The following CLIP4 variants were observed in gnomAD, a reference collection of about 807,000 sequenced individuals.
CLIP4 encodes the protein CAP-Gly domain containing linker protein family member 4.
Under a neutral mutation model 73.1 loss-of-function variants are expected in CLIP4, and 47 were observed. The ratio of observed to expected loss-of-function variants is 0.64; its 90% confidence interval spans 0.51 to 0.82. The LOEUF is 0.82. CLIP4 is among the 40% of genes least tolerant of loss of function. The probability of loss-of-function intolerance (pLI) is 0.00; values close to 1 mark genes in which losing one functional copy is unlikely to be tolerated. For synonymous variants in CLIP4, 306 were observed against 295.4 expected (o/e 1.04, Z -0.37); for missense variants, 874 against 852.9 (o/e 1.02, Z -0.31).
At position 29,181,671 on chromosome 2, in the gene CLIP4, G is replaced by A. The variant is rs774808736; in HGVS notation, c.1896G>A (p.Thr632=). 3.7e-6 allele frequency: 6 copies of A among 1,614,046 alleles called. No individual in the cohort carries two copies. The highest frequency in any genetic ancestry group is 2.2e-5 in the East Asian group (1 of 44,892). Residue 632 remains threonine (T), a synonymous_variant, in exon 16 of 16, where the codon ACG becomes ACA. Coordinates refer to ENST00000320081, the MANE Select transcript of CLIP4 (RefSeq NM_024692.6). The part of the protein sequence containing the change: ...KLHEGSQVLL[T]SSNEMGTVRY... ...ACGAGGGGTCTCAGGTCCTGCTCACGAGCTCCAATGAGATGGGTACTGTTA... is the reference window on the plus strand; with the variant it reads ...ACGAGGGGTCTCAGGTCCTGCTCACAAGCTCCAATGAGATGGGTACTGTTA...
Position 29,152,725 on chromosome 2 carries a change from T to A in CLIP4, c.1062T>A (p.Gly354=), listed in dbSNP as rs1281791087. ...TTTCAAAGATAAGTAAAGCAAAAGG[T>A]CGAAGGAAGAATATAACACACACTC... ...APLSKISKAK[G]RRKNITHTPS... is the part of the protein sequence containing the mutation. Residue 354 remains glycine (G), a synonymous_variant, in exon 9 of 16, where the codon GGT becomes GGA. Coordinates refer to ENST00000320081, the MANE Select transcript of CLIP4 (RefSeq NM_024692.6). 24 of 1,613,690 alleles carry A rather than the reference T, an allele frequency of 1.5e-5. No homozygotes were observed. The highest frequency in any genetic ancestry group is 1.9e-5 in the Non-Finnish European group (23 of 1,179,780).
intron 1 of CLIP4, among the ~76,000 whole-genome samples, chr2:29,100,433 G>A (rs1668008856): frequency 6.6e-6 from 1 of 152,026 alleles, no homozygotes; most frequent in South Asian, 2.1e-4. Flanking sequence ...CCCCCCAACA[G>A]TTTCCTCTAC....
rs201333421 is a variant in CLIP4, at chr2:29,124,374, C to CT, written c.133+2861dup. On this transcript the variant is annotated intron_variant, in intron 2 of 15. Coordinates refer to ENST00000320081, the MANE Select transcript of CLIP4 (RefSeq NM_024692.6). ...ATTTTTGTTTCTCTAGATGTAATGT[C>CT]TTTTTTTTGGCTGCTTTAAAGAGTT... Among the ~76,000 whole-genome samples, 615 of 151,830 alleles carry CT rather than the reference C, an allele frequency of 4.1e-3. 6 individuals are homozygous for CT. Among genetic ancestry groups the CT allele is most frequent in the African/African-American group, 0.014 (590 of 41,420 alleles).
At position 29,160,443 on chromosome 2, in the gene CLIP4, T is replaced by C; in HGVS notation, c.1510T>C (p.Phe504Leu). Residue 504 changes from phenylalanine (F) to leucine (L), a missense_variant, in exon 12 of 16, where the codon TTT becomes CTT. Phe to Leu is a conservative substitution (Grantham distance 22). Transcript: ENST00000320081. ...ACAGAGACTGGGCACCATTAGGTTC[T>C]TTGGGACAACAAACTTCGCTCCAGG... ...VGQRLGTIRF[F>L]GTTNFAPGYW... is the part of the protein sequence containing the mutation. 1 of 1,614,174 alleles carries C rather than the reference T, an allele frequency of 6.2e-7. No homozygotes were observed. The highest frequency in any genetic ancestry group is 8.5e-7 in the Non-Finnish European group (1 of 1,180,010).
At chr2:29,100,812 G>A (rs1031572443) in intron 1 of CLIP4, among the ~76,000 whole-genome samples, 2 of 151,728 alleles carry the variant, frequency 1.3e-5, no homozygotes, top group African/African-American at 4.9e-5. Context: ...GGCAGAGGTG[G>A]GAAGTGACTT....
Position 29,105,840 on chromosome 2 carries a change from C to G in CLIP4, c.-16+7893C>G, listed in dbSNP as rs114916657. On this transcript the variant is annotated intron_variant, in intron 1 of 14. Coordinates refer to the CLIP4 transcript ENST00000401605. ...CCAGGCAGAGGGCCCCTGCCAGCCA[C>G]TGCATCTGCCAGTGCCTTGATCTTG... Among the ~76,000 whole-genome samples the G allele has an allele frequency of 9.3e-3, 1,414 of 152,358 alleles. 22 individuals carry two copies. The highest frequency in any genetic ancestry group is 0.032 in the African/African-American group (1,348 of 41,582).
intron 14 of CLIP4, among the ~76,000 whole-genome samples, chr2:29,172,422 T>A (rs1668070729): frequency 2.6e-5 from 4 of 152,148 alleles, no homozygotes; most frequent in African/African-American, 9.7e-5. Flanking sequence ...GGTTTAAAGA[T>A]ATTTTCCCCC....
chr2:29,181,611 C>T lies in CLIP4; in HGVS notation c.1836C>T (p.Pro612=), dbSNP rs1668649271. The change falls in exon 16 of 16, where the codon CCC becomes CCT. Residue 612 remains proline, a synonymous_variant. Transcript: ENST00000320081. Reference sequence around the variant, plus strand: ...TGCGTCGCAGTTGGAGCAGCACCCCCACCGCAGGTGGCATTGAAGGGAGCG... The same window carrying T: ...TGCGTCGCAGTTGGAGCAGCACCCCTACCGCAGGTGGCATTGAAGGGAGCG... ...AALRRSWSST[P]TAGGIEGSVK... 2.5e-6 allele frequency: 4 copies of T among 1,612,970 alleles called. No homozygotes were observed. Among genetic ancestry groups the T allele is most frequent in the South Asian group, 1.1e-5 (1 of 91,018 alleles).
intron 8 of CLIP4, among the ~76,000 whole-genome samples, chr2:29,151,026 G>A (rs1368294896): frequency 6.6e-6 from 1 of 151,916 alleles, no homozygotes; most frequent in Non-Finnish European, 1.5e-5. Flanking sequence ...CATCATATTG[G>A]CAGGCAATTA....
intron 2 of CLIP4, among the ~76,000 whole-genome samples, chr2:29,122,375 A>T (rs1347229541): frequency 6.6e-6 from 1 of 151,970 alleles, no homozygotes; most frequent in Non-Finnish European, 1.5e-5. Flanking sequence ...TTATTTTCAG[A>T]TATAACAAAA....
chr2:29,148,471 T>G (rs1666320730), intron 8 of CLIP4, among the ~76,000 whole-genome samples: 1 of 152,200 alleles, frequency 6.6e-6, no homozygotes, highest in African/African-American at 2.4e-5. Flanking sequence ...GTATTACTGT[T>G]TTTATGTCTT....
chr2:29,133,979 T>C (rs1665169271), intron 5 of CLIP4, among the ~76,000 whole-genome samples, 163 bp downstream of exon 5: 1 of 152,212 alleles, frequency 6.6e-6, no homozygotes, highest in Non-Finnish European at 1.5e-5. Context: ...TTATTGAGTA[T>C]TAATTACTAT....
intron 15 of CLIP4, 150 bp downstream of exon 15, chr2:29,174,595 G>A (rs957706056): frequency 2.9e-6 from 4 of 1,364,196 alleles, no homozygotes; most frequent in East Asian, 5.6e-5. Context: ...ATTGAGAAGC[G>A]TTCTTCCTCC....
Position 29,125,377 on chromosome 2 carries a change from T to C in CLIP4, c.133+3856T>C, listed in dbSNP as rs139535484. Among the ~76,000 whole-genome samples, 473 of 152,314 alleles carry C rather than the reference T, an allele frequency of 3.1e-3. 1 individual carries two copies. The highest frequency in any genetic ancestry group is 0.011 in the African/African-American group (451 of 41,560). ...TATTTCCTCACAAGCATATGATGAATAGTTGAGGAGGACCCTGCACAGGTC... is the reference window on the plus strand; with the variant it reads ...TATTTCCTCACAAGCATATGATGAACAGTTGAGGAGGACCCTGCACAGGTC... On this transcript the variant is annotated intron_variant, in intron 2 of 15. Coordinates refer to ENST00000320081, the MANE Select transcript of CLIP4 (RefSeq NM_024692.6).
Position 29,181,564 on chromosome 2 carries a change from C to T in CLIP4, c.1797-8C>T. The stretch of plus-strand genomic sequence containing the variant: ...AAATAATTTTTCCCACTTTTCCCTT[C>T]CGCACAGATCGAAAGCTGCTTTGCG... On this transcript the variant is annotated splice_polypyrimidine_tract_variant and splice_region_variant and intron_variant, in intron 15 of 15. Transcript: ENST00000320081. 6.3e-7 allele frequency: 1 copy of T among 1,594,904 alleles called. No individual in the cohort carries two copies. Among genetic ancestry groups the T allele is most frequent in the Non-Finnish European group, 8.6e-7 (1 of 1,168,574 alleles).
intron 2 of CLIP4, among the ~76,000 whole-genome samples, chr2:29,122,826 CAAAAA>C (rs11364909): frequency 6.5e-5 from 4 of 61,914 alleles, no homozygotes; most frequent in Admixed American, 2.5e-4. Context: ...ACTTTGTCTC[CAAAAA>C]AAAAAAAAAA....
chr2:29,100,438 C>T (rs1668009138), intron 1 of CLIP4, among the ~76,000 whole-genome samples: 1 of 151,992 alleles, frequency 6.6e-6, no homozygotes, highest in Non-Finnish European at 1.5e-5. Context: ...CAACAGTTTC[C>T]TCTACTGTTA....
At chr2:29,161,905 AG>A (rs1180054349) in intron 12 of CLIP4, among the ~76,000 whole-genome samples, 1 of 152,212 alleles carries the variant, frequency 6.6e-6, no homozygotes, top group Non-Finnish European at 1.5e-5. Flanking sequence ...ACAGGACCAT[AG>A]GCGACTGTCT....
At position 29,182,798 on chromosome 2, in the gene CLIP4, A is replaced by G. The variant is rs1427460674; in HGVS notation, c.*905A>G. 1.4e-4 allele frequency: 21 copies of G among 152,670 alleles called. No homozygotes were observed. The highest frequency in any genetic ancestry group is 1.4e-3 in the Admixed American group (21 of 15,276). The allele number at this position is 152,670 out of a possible 1,614,324, so 9.5% of individuals were successfully genotyped here. On this transcript the variant is annotated 3_prime_UTR_variant, in exon 16 of 16. Coordinates refer to ENST00000320081, the MANE Select transcript of CLIP4 (RefSeq NM_024692.6). ...AAACACAAAGCACTTTTCAAACATG[A>G]TGCACTTTTATCTTTGTGAATAATT...
Sources: allele counts gnomAD v4.1 joint callset (sites outside exome capture counted in the v4.1 genomes callset), GRCh38; gene constraint gnomAD v4.1.1; transcripts MANE v1.5; gene names NCBI Gene and HGNC (gene_info 2026-07-23, HGNC 2026-07-21).